IL19: variants seen among roughly 807,000 people sequenced by gnomAD.
IL19 encodes the protein interleukin 19.
Under a neutral mutation model 19.5 loss-of-function variants are expected in IL19, and 15 were observed. The observed-to-expected ratio is 0.77, with a 90% CI of 0.52 to 1.19. The LOEUF (loss-of-function observed/expected upper bound fraction) is 1.19. Among genes scored for constraint, IL19 ranks in the 50% most tolerant of loss-of-function variants. The pLI is 0.00. For missense variants in IL19, 199 were observed against 213.1 expected (o/e 0.93, Z 0.41); for synonymous variants, 78 against 78.3 (o/e 1.00, Z 0.02).
At chr1:206,806,735 C>T (rs1354598175) in intron 2 of IL19, among the ~76,000 whole-genome samples, 1 of 152,206 alleles carries the variant, frequency 6.6e-6, no homozygotes, top group African/African-American at 2.4e-5. Context: ...TTTCCACTAT[C>T]AATCTGGTAT....
intron 1 of IL19, among the ~76,000 whole-genome samples, chr1:206,784,625 G>T (rs1675223845): frequency 6.6e-6 from 1 of 152,232 alleles, no homozygotes; most frequent in Admixed American, 6.5e-5. Context: ...CTTGGTAGGG[G>T]AGGACGTGAT....
At chr1:206,795,177 A>G (rs1480950592) in intron 1 of IL19, among the ~76,000 whole-genome samples, 1 of 152,212 alleles carries the variant, frequency 6.6e-6, no homozygotes, top group Non-Finnish European at 1.5e-5. Context: ...CCTGGCCACC[A>G]AGGCTGGTAC....
At chr1:206,785,324 T>C (rs1675243641) in intron 1 of IL19, among the ~76,000 whole-genome samples, 1 of 152,232 alleles carries the variant, frequency 6.6e-6, no homozygotes, top group Non-Finnish European at 1.5e-5. Context: ...TTCTATGGAC[T>C]TGAGTGGCAA....
At chr1:206,811,686 C>G (rs1057362359) in intron 2 of IL19, among the ~76,000 whole-genome samples, 1 of 152,112 alleles carries the variant, frequency 6.6e-6, no homozygotes, top group Admixed American at 6.6e-5. Flanking sequence ...CATGGACTTA[C>G]CCTAGTCAAG....
intron 2 of IL19, among the ~76,000 whole-genome samples, chr1:206,808,016 G>A (rs929165807): frequency 6.6e-6 from 1 of 152,192 alleles, no homozygotes; most frequent in Non-Finnish European, 1.5e-5. Flanking sequence ...TAGTGCTTTT[G>A]GTTCCTAATT....
At chr1:206,773,069 G>A (rs552289053) in intron 1 of IL19, among the ~76,000 whole-genome samples, 5 of 152,242 alleles carry the variant, frequency 3.3e-5, no homozygotes, top group East Asian at 1.9e-4. Context: ...CAGTACAGGC[G>A]GGGTCACAGG....
rs763235595 is a variant in IL19, at chr1:206,836,813, A to G, written c.144+7A>G. 4.3e-6 allele frequency: 7 copies of G among 1,614,142 alleles called. 1 individual carries two copies. The South Asian group carries it at 7.7e-5, about 18-fold the overall frequency. ...AGAAATCAAAAGAGCCATCGTGAGT[A>G]TGGGTTGGTGTAAAGGTGTGGATGA... On this transcript the variant is annotated splice_region_variant and intron_variant, in intron 3 of 6. Transcript: ENST00000659997.
At chr1:206,816,392 A>G (rs1417236070) in intron 2 of IL19, among the ~76,000 whole-genome samples, 1 of 152,226 alleles carries the variant, frequency 6.6e-6, no homozygotes, top group Non-Finnish European at 1.5e-5. Flanking sequence ...GGGAGTGAAG[A>G]AACGGAAGTA....
At chr1:206,834,075 T>C in intron 2 of IL19, 1 of 985,594 alleles carries the variant, frequency 1.0e-6, no homozygotes. Context: ...TGGATTTTTC[T>C]GCATGGACAT....
At chr1:206,794,417 C>T (rs556986400) in intron 1 of IL19, among the ~76,000 whole-genome samples, 7 of 152,150 alleles carry the variant, frequency 4.6e-5, no homozygotes, top group Non-Finnish European at 1.0e-4. Flanking sequence ...CTGCCTCCCA[C>T]ACATTCACTG....
At chr1:206,824,077 T>C (rs1412948085) in intron 2 of IL19, among the ~76,000 whole-genome samples, 1 of 152,240 alleles carries the variant, frequency 6.6e-6, no homozygotes, top group East Asian at 1.9e-4. Context: ...CTCCTGCTGC[T>C]CACTCAAGCA....
At chr1:206,798,126 C>A (rs976428202) in intron 1 of IL19, among the ~76,000 whole-genome samples, 4 of 152,208 alleles carry the variant, frequency 2.6e-5, no homozygotes, top group African/African-American at 9.6e-5. Flanking sequence ...AGACCTCTTG[C>A]TGCCTAGTTC....
intron 1 of IL19, among the ~76,000 whole-genome samples, chr1:206,784,952 G>A (rs941153659): frequency 3.9e-5 from 6 of 152,216 alleles, no homozygotes; most frequent in Admixed American, 3.9e-4. Flanking sequence ...AGGTGACCAT[G>A]GGATCCTGGA....
chr1:206,824,011 A>T (rs1442648100), intron 2 of IL19, among the ~76,000 whole-genome samples: 2 of 152,182 alleles, frequency 1.3e-5, no homozygotes, highest in Non-Finnish European at 2.9e-5. Context: ...AATGTTCTCA[A>T]CCTTGAATCT....
rs749768247 is a variant in IL19 at position 206,772,235 on chromosome 1, AG to A, written c.-149+1159del. On this transcript the variant is annotated intron_variant, in intron 1 of 6. Transcript: ENST00000659997. ...GAGAATGTCTAGTTCAGGCAGTCCC[AG>A]GAAGAGAGAAAGGACAGGAAGGAAT... The A allele has an allele frequency of 4.7e-5, 75 of 1,593,444 alleles. No individual in the cohort carries two copies. In the Admixed American group the frequency reaches 1.2e-3, roughly 26 times the overall value.
chr1:206,774,776 A>G (rs1246116032), intron 1 of IL19, among the ~76,000 whole-genome samples: 1 of 152,254 alleles, frequency 6.6e-6, no homozygotes, highest in East Asian at 1.9e-4. Flanking sequence ...GGTATCAGCT[A>G]TACTTGGGAT....
At chr1:206,829,514 G>A (rs1267913430) in intron 2 of IL19, among the ~76,000 whole-genome samples, 1 of 152,190 alleles carries the variant, frequency 6.6e-6, no homozygotes, top group Non-Finnish European at 1.5e-5. Flanking sequence ...CCTGTGAGGT[G>A]TGGGAGATCT....
chr1:206,810,650 G>A (rs192792034), intron 2 of IL19, among the ~76,000 whole-genome samples: 1 of 152,282 alleles, frequency 6.6e-6, no homozygotes, highest in East Asian at 1.9e-4. Flanking sequence ...CTCCCATATA[G>A]CAGAGGCCAA....
chr1:206,774,051 CA>C (rs1674931102), intron 1 of IL19, among the ~76,000 whole-genome samples: 3 of 152,198 alleles, frequency 2.0e-5, no homozygotes, highest in African/African-American at 4.8e-5. Flanking sequence ...GGGACAACTC[CA>C]GTGGCAGCAG....
Sources: gnomAD v4.1 joint callset for allele counts (sites outside exome capture counted in the v4.1 genomes callset) on GRCh38, gnomAD v4.1.1 for gene constraint, MANE v1.5 for transcripts, NCBI Gene and HGNC (gene_info 2026-07-23, HGNC 2026-07-21) for gene names.